MTMR14: variants seen among roughly 807,000 people sequenced by gnomAD.
MTMR14 encodes the protein phosphatidylinositol-3,5-bisphosphate 3-phosphatase MTMR14.
Under a neutral mutation model 86.3 loss-of-function variants are expected in MTMR14, and 48 were observed. The observed-to-expected ratio is 0.56, with a 90% CI of 0.44 to 0.71. The LOEUF (loss-of-function observed/expected upper bound fraction) is 0.71, where lower values mean the gene tolerates loss of function less well. MTMR14 is among the 30% of genes least tolerant of loss of function. The pLI, the probability that MTMR14 is intolerant of heterozygous loss-of-function variation, is 0.00. For synonymous variants in MTMR14, 366 were observed against 326.1 expected (o/e 1.12, Z -1.32); for missense variants, 780 against 834.6 (o/e 0.93, Z 0.81).
intron 17 of MTMR14, among the ~76,000 whole-genome samples, chr3:9,695,486 G>C (rs928608599): frequency 2.6e-5 from 4 of 152,190 alleles, no homozygotes; most frequent in Admixed American, 6.5e-5. Context: ...TAATCCATCC[G>C]ACAGCTGCTG....
At chr3:9,689,232 C>A in intron 16 of MTMR14, 150 bp downstream of exon 16, 1 of 1,272,080 alleles carries the variant, frequency 7.9e-7, no homozygotes, top group Non-Finnish European at 1.1e-6. Flanking sequence ...TCTACTGGGC[C>A]TCAGAAGTCA....
chr3:9,659,597 C>T, intron 2 of MTMR14: 1 of 413,708 alleles, frequency 2.4e-6, no homozygotes, highest in African/African-American at 2.0e-5. Flanking sequence ...GCGCGTGCTG[C>T]CACGCCTGTC....
intron 7 of MTMR14, among the ~76,000 whole-genome samples, chr3:9,676,772 T>C (rs1193799516): frequency 1.3e-5 from 2 of 152,226 alleles, no homozygotes; most frequent in East Asian, 3.8e-4. Flanking sequence ...AGTGCCTCTT[T>C]GCTTGCTTTG....
intron 13 of MTMR14, among the ~76,000 whole-genome samples, chr3:9,687,006 G>A (rs1000431903): frequency 1.3e-5 from 2 of 152,248 alleles, no homozygotes; most frequent in South Asian, 4.1e-4. Flanking sequence ...CTCTAGGCCA[G>A]ACAGTGGCTG....
intron 3 of MTMR14, among the ~76,000 whole-genome samples, chr3:9,668,267 C>G (rs1030369091): frequency 2.0e-5 from 3 of 152,224 alleles, no homozygotes; most frequent in Non-Finnish European, 4.4e-5. Context: ...GGGTTTGGAT[C>G]AAATCCCAGC....
At chr3:9,672,818 C>T in intron 7 of MTMR14, 60 bp downstream of exon 7, 1 of 1,485,542 alleles carries the variant, frequency 6.7e-7, no homozygotes, top group Admixed American at 1.7e-5. Context: ...GGGCCATGAG[C>T]AAGCCCTCTC....
chr3:9,659,830 A>G (rs1198669820), intron 2 of MTMR14: 1 of 456,766 alleles, frequency 2.2e-6, no homozygotes. Context: ...ACATTAAAAG[A>G]TCCTCCCTAG....
chr3:9,669,075 G>A (rs1202446723), intron 4 of MTMR14, among the ~76,000 whole-genome samples: 3 of 151,862 alleles, frequency 2.0e-5, no homozygotes. Flanking sequence ...GGGAGATGGA[G>A]GTTGCAGTGA....
In MTMR14 at chr3:9,697,770, T is replaced by C; in HGVS notation, c.1673T>C (p.Met558Thr). Residue 558 changes from methionine to threonine, a missense_variant, in exon 18 of 19, where the codon ATG (methionine) becomes ACG (threonine). By Grantham distance (81) the Met-to-Thr change is moderately conservative (BLOSUM62 -1). Transcript: ENST00000296003. ...TCCACAGACTATGGCAGCTGGCAGA[T>C]GGTAACGGGCTGTGGCAGTATTCAG... The part of the protein sequence containing the change: ...SLSTDYGSWQ[M>T]VTGCGSIQER... 1 of 1,614,090 alleles carries C rather than the reference T, an allele frequency of 6.2e-7. No homozygotes were observed. Among genetic ancestry groups the C allele is most frequent in the Non-Finnish European group, 8.5e-7 (1 of 1,180,006 alleles).
At chr3:9,686,441 A>T (rs1047566055) in intron 13 of MTMR14, among the ~76,000 whole-genome samples, 1 of 152,158 alleles carries the variant, frequency 6.6e-6, no homozygotes, top group Non-Finnish European at 1.5e-5. Context: ...CATGTAGACA[A>T]GAGGCTCTCC....
chr3:9,658,912 G>C (rs1034856213), intron 2 of MTMR14, among the ~76,000 whole-genome samples: 53 of 152,218 alleles, frequency 3.5e-4, no homozygotes, highest in Admixed American at 2.9e-3. Flanking sequence ...TAGTTTGGCT[G>C]GGCATGGTGG....
At chr3:9,690,807 T>TAAACA (rs2076116757) in intron 17 of MTMR14, among the ~76,000 whole-genome samples, 1 of 152,140 alleles carries the variant, frequency 6.6e-6, no homozygotes, top group Non-Finnish European at 1.5e-5. Context: ...TGTTCTAAAG[T>TAAACA]TTTGAGAATG....
intron 18 of MTMR14, among the ~76,000 whole-genome samples, chr3:9,698,865 G>C (rs1211793042): frequency 1.3e-5 from 2 of 151,434 alleles, no homozygotes; most frequent in Admixed American, 6.6e-5. Context: ...ATGTTCGAAG[G>C]CTTAAAAAAA....
At chr3:9,654,982 C>T (rs1246321613) in intron 2 of MTMR14, among the ~76,000 whole-genome samples, 2 of 152,162 alleles carry the variant, frequency 1.3e-5, no homozygotes, top group African/African-American at 4.8e-5. Context: ...GGGATCAACT[C>T]ATATAGGATC....
chr3:9,688,478 T>C (rs1274122545), intron 14 of MTMR14, among the ~76,000 whole-genome samples: 4 of 152,224 alleles, frequency 2.6e-5, no homozygotes, highest in Non-Finnish European at 4.4e-5. Flanking sequence ...ATGCAGACCT[T>C]GCTGCCCTCA....
At position 9,649,827 on chromosome 3, in the gene MTMR14, G is replaced by A. The variant is rs767022961; in HGVS notation, c.159+85G>A. On this transcript the variant is annotated intron_variant, in intron 1 of 18. Coordinates refer to ENST00000296003, the MANE Select transcript of MTMR14 (RefSeq NM_001077525.3). ...AGGCTGAGGCCAGGGGTCAGAAAAA[G>A]GTAGGAGTGGTACCTCGCCGCTGAG... 1.7e-4 allele frequency: 269 copies of A among 1,574,450 alleles called. 2 individuals are homozygous for A. The highest frequency in any genetic ancestry group is 2.1e-4 in the Non-Finnish European group (242 of 1,160,446).
chr3:9,659,444 C>CTTT (rs546901318), intron 2 of MTMR14, among the ~76,000 whole-genome samples: 1 of 139,076 alleles, frequency 7.2e-6, no homozygotes, highest in Admixed American at 7.2e-5. Flanking sequence ...TGAATTGGTT[C>CTTT]TTTTTTTTTT....
intron 13 of MTMR14, among the ~76,000 whole-genome samples, chr3:9,686,225 G>A (rs560982217): frequency 2.0e-5 from 3 of 152,276 alleles, no homozygotes; most frequent in South Asian, 2.1e-4. Context: ...AGAGGCCTCC[G>A]TGAACTCCCT....
intron 18 of MTMR14, among the ~76,000 whole-genome samples, chr3:9,698,283 AGGG>A (rs528027655): frequency 6.6e-4 from 100 of 152,366 alleles, no homozygotes; most frequent in African/African-American, 2.4e-3. Context: ...AGCAGAACCT[AGGG>A]TTACTTGCTG....
Sources: allele counts gnomAD v4.1 joint callset (sites outside exome capture counted in the v4.1 genomes callset), GRCh38; gene constraint gnomAD v4.1.1; transcripts MANE v1.5; gene names NCBI Gene and HGNC (gene_info 2026-07-23, HGNC 2026-07-21).